The following KIF9 variants were observed in gnomAD, a reference collection of about 807,000 sequenced individuals.
The protein encoded by KIF9 is kinesin family member 9.
Under a neutral mutation model 94.8 loss-of-function variants are expected in KIF9, and 68 were observed. That is an observed-to-expected ratio of 0.72 (90% CI 0.59 to 0.88). The LOEUF is 0.88. Ranked by LOEUF, KIF9 falls within the 40% of genes least tolerant of loss-of-function variation. The probability of loss-of-function intolerance (pLI) is 0.00; values close to 1 mark genes in which losing one functional copy is unlikely to be tolerated. For synonymous variants in KIF9, 343 were observed against 362.1 expected, an observed-to-expected ratio of 0.95 and a Z score of 0.60; for missense variants, 882 against 982.5, an observed-to-expected ratio of 0.90 and a Z score of 1.37.
chr3:47,231,037 T>A (rs182553215), intron 20 of KIF9, among the ~76,000 whole-genome samples: 18,931 of 147,854 alleles, frequency 0.13, 1,549 homozygotes, highest in East Asian at 0.3. Flanking sequence ...AAACTCCGTC[T>A]AAAAAAAAAA....
In KIF9 at chr3:47,260,922, C is replaced by T. The variant is rs181880974; in HGVS notation, c.982-3362G>A. Among the ~76,000 whole-genome samples, 4 of 152,342 alleles carry T rather than the reference C, an allele frequency of 2.6e-5. No homozygotes were observed. In the East Asian group the frequency reaches 7.7e-4, roughly 29 times the overall value. On this transcript the variant is annotated intron_variant, in intron 9 of 20. Coordinates refer to ENST00000684063, the MANE Select transcript of KIF9 (RefSeq NM_182902.4). ...AGGGAGGCGAGAGCCAGGTCAACAT[C>T]TCAGGTGGACTGAGACAATGACAGG...
In KIF9 at chr3:47,257,516, A is replaced by C; in HGVS notation, c.1026T>G (p.Thr342=). 2 of 1,614,044 alleles carry C rather than the reference A, an allele frequency of 1.2e-6. No individual in the cohort carries two copies. The highest frequency in any genetic ancestry group is 1.7e-6 in the Non-Finnish European group (2 of 1,180,012). ...CATACTTTTCATTGATGGCAGGCTC[A>C]GTGGTGACTAGCTTCATCCTGCTGG... is the stretch of plus-strand genomic sequence containing the variant. The part of the protein sequence containing the change: ...RFASRMKLVT[T]EPAINEKYDA... The change falls in exon 10 of 21, where the codon ACT becomes ACG. Residue 342 remains threonine, a synonymous_variant. Coordinates refer to ENST00000684063, the MANE Select transcript of KIF9 (RefSeq NM_182902.4).
intron 13 of KIF9, 111 bp from the exon 14 acceptor site, chr3:47,245,622 G>A (rs1004983805): frequency 1.3e-6 from 1 of 775,618 alleles, no homozygotes; most frequent in Non-Finnish European, 2.3e-6. Context: ...CCTTGTGTGG[G>A]GCCACACCTT....
rs765678929 is a variant in KIF9, at chr3:47,246,220, G to C, written c.1266C>G (p.Phe422Leu). ...ACCTCAGAACCACCCGGAACTGGTT[G>C]AACACCTCCTTGATCTGTCTAAGGC... ...IISLRQIKEV[F>L]NQFRVVLSQQ... Residue 422 changes from phenylalanine to leucine, a missense_variant, in exon 13 of 21, where the codon TTC (phenylalanine) becomes TTG (leucine). By Grantham distance (22) the Phe-to-Leu change is conservative. Coordinates refer to ENST00000684063, the MANE Select transcript of KIF9 (RefSeq NM_182902.4). The C allele has an allele frequency of 7.6e-5, 123 of 1,613,626 alleles. No individual in the cohort carries two copies. The highest frequency in any genetic ancestry group is 1.0e-4 in the Non-Finnish European group (123 of 1,179,816).
chr3:47,246,157 A>C (rs576041446), intron 13 of KIF9, 40 bp downstream of exon 13: 1 of 1,581,750 alleles, frequency 6.3e-7, no homozygotes, highest in South Asian at 1.1e-5. Flanking sequence ...TGAAAATGGC[A>C]GCCTGATGTA....
At chr3:47,243,340 GA>G (rs1699709953) in intron 15 of KIF9, 95 bp from the exon 16 acceptor site, 6 of 998,366 alleles carry the variant, frequency 6.0e-6, no homozygotes, top group Admixed American at 2.8e-5. Context: ...ACTACACTGG[GA>G]ACCCCACCTC....
chr3:47,279,518 G>A (rs1322604305), intron 1 of KIF9, among the ~76,000 whole-genome samples: 1 of 151,438 alleles, frequency 6.6e-6, no homozygotes, highest in Non-Finnish European at 1.5e-5. Flanking sequence ...CTTTTAAGAT[G>A]TTAACCATAA....
Position 47,235,620 on chromosome 3 carries a change from G to A in KIF9, c.2218-3C>T. 1.9e-6 allele frequency: 3 copies of A among 1,608,508 alleles called. No individual in the cohort carries two copies. Among genetic ancestry groups the A allele is most frequent in the Non-Finnish European group, 2.6e-6 (3 of 1,175,040 alleles). On this transcript the variant is annotated splice_region_variant and splice_polypyrimidine_tract_variant and intron_variant, in intron 19 of 20. Coordinates refer to ENST00000684063, the MANE Select transcript of KIF9 (RefSeq NM_182902.4). Reference sequence around the variant, plus strand: ...AATTTGTCCTGGTCATCTTCTCCCTGGGGGAGGACAGTCCCTTTAGCATGG... The same window carrying A: ...AATTTGTCCTGGTCATCTTCTCCCTAGGGGAGGACAGTCCCTTTAGCATGG...
rs755989323 is a variant in KIF9 at position 47,267,134 on chromosome 3, G to A, written c.675+46C>T. On this transcript the variant is annotated intron_variant, in intron 6 of 20. Coordinates refer to ENST00000684063, the MANE Select transcript of KIF9 (RefSeq NM_182902.4). ...AAGTTTCTGACTGAGCAGGCCCCGTGGGAATTGACTGCCCCGCCTGGGCTG... is the reference window on the plus strand; with the variant it reads ...AAGTTTCTGACTGAGCAGGCCCCGTAGGAATTGACTGCCCCGCCTGGGCTG... The A allele has an allele frequency of 3.8e-6, 6 of 1,598,366 alleles. No individual in the cohort carries two copies. In the Admixed American group the frequency reaches 1.0e-4, roughly 27 times the overall value.
chr3:47,279,627 T>A (rs187715405), intron 1 of KIF9, among the ~76,000 whole-genome samples: 178 of 151,788 alleles, frequency 1.2e-3, no homozygotes, highest in East Asian at 4.6e-3. Context: ...ATTTTATTTT[T>A]TTTTTTTGAG....
chr3:47,267,123 G>A, intron 6 of KIF9, 55 bp from the exon 7 acceptor site: 1 of 1,600,460 alleles, frequency 6.2e-7, no homozygotes, highest in Admixed American at 1.7e-5. Context: ...TTCTGACTGA[G>A]CAGGCCCCGT....
intron 1 of KIF9, among the ~76,000 whole-genome samples, chr3:47,281,736 T>C (rs1702374789): frequency 6.6e-6 from 1 of 152,210 alleles, no homozygotes; most frequent in Non-Finnish European, 1.5e-5. Context: ...AGCAAGTCTC[T>C]GAATGGCCAC....
intron 18 of KIF9, 56 bp from the exon 19 acceptor site, chr3:47,236,205 C>T: frequency 7.6e-7 from 1 of 1,313,588 alleles, no homozygotes; most frequent in Non-Finnish European, 1.1e-6. Context: ...TGTGTGCTGT[C>T]ATCTGTCTTA....
chr3:47,267,339 A>G lies in KIF9; in HGVS notation c.592-76T>C, dbSNP rs1576056953. Reference sequence around the variant, plus strand: ...GGCACTTGGGTCATTTTTCAATTATACCAATAGCTACACAAGTGGTCTCAT... The same window carrying G: ...GGCACTTGGGTCATTTTTCAATTATGCCAATAGCTACACAAGTGGTCTCAT... On this transcript the variant is annotated intron_variant, in intron 5 of 20. Coordinates refer to ENST00000684063, the MANE Select transcript of KIF9 (RefSeq NM_182902.4). The G allele has an allele frequency of 5.0e-6, 5 of 997,736 alleles. No individual in the cohort carries two copies. The Admixed American group carries it at 6.8e-5, about 14-fold the overall frequency. The allele number at this position is 997,736 out of a possible 1,614,324, so 61.8% of individuals were successfully genotyped here.
At chr3:47,261,238 T>C (rs1338402527) in intron 9 of KIF9, among the ~76,000 whole-genome samples, 1 of 152,148 alleles carries the variant, frequency 6.6e-6, no homozygotes, top group Non-Finnish European at 1.5e-5. Context: ...ATAGGTAAAA[T>C]GAGACCACTA....
intron 18 of KIF9, 120 bp downstream of exon 18, chr3:47,236,323 C>T: frequency 8.3e-7 from 1 of 1,201,766 alleles, no homozygotes; most frequent in Non-Finnish European, 1.2e-6. Flanking sequence ...TCTCAAGCCC[C>T]TGCCCAGCCC....
intron 9 of KIF9, among the ~76,000 whole-genome samples, chr3:47,258,855 CCTT>C (rs2107365933): frequency 6.6e-6 from 1 of 152,276 alleles, no homozygotes; most frequent in Non-Finnish European, 1.5e-5. Flanking sequence ...GACTAATACA[CCTT>C]CTTTTTTGGT....
intron 9 of KIF9, among the ~76,000 whole-genome samples, chr3:47,260,546 G>A (rs62248910): frequency 0.13 from 20,340 of 152,222 alleles, 1,777 homozygotes; most frequent in Non-Finnish European, 0.2. Context: ...CTTCCACAGC[G>A]CTTGCTGTGG....
rs532910408 is a variant in KIF9 at position 47,236,081 on chromosome 3, C to A, written c.2170G>T (p.Gly724Cys). 2.5e-6 allele frequency: 4 copies of A among 1,614,168 alleles called. No homozygotes were observed. In the South Asian group the frequency reaches 4.4e-5, roughly 18 times the overall value. Residue 724 changes from glycine to cysteine, a missense_variant, in exon 19 of 21, where the codon GGC becomes TGC. Physicochemically the swap from Gly to Cys is radical, Grantham distance 159. Transcript: ENST00000684063. Reference protein sequence around the residue: ...EDMQMALKPGGSIRPGMVPVN... With the variant: ...EDMQMALKPGCSIRPGMVPVN... ...GGGACCATGCCTGGCCGGATGCTGC[C>A]GCCTGGCTTCAGTGCCATCTGCATG...
Sources: gnomAD v4.1 joint callset for allele counts (sites outside exome capture counted in the v4.1 genomes callset) on GRCh38, gnomAD v4.1.1 for gene constraint, MANE v1.5 for transcripts, NCBI Gene and HGNC (gene_info 2026-07-23, HGNC 2026-07-21) for gene names.